DLC1: variants seen among roughly 807,000 people sequenced by gnomAD.
DLC1 encodes rho GTPase-activating protein 7.
A neutral mutation model predicts 140.3 loss-of-function variants in DLC1; 54 were observed. That is an observed-to-expected ratio of 0.38 (90% confidence interval 0.31 to 0.48). The LOEUF (loss-of-function observed/expected upper bound fraction) is 0.48. Among genes scored for constraint, DLC1 ranks in the 20% least tolerant of loss-of-function variants. The pLI, the probability that DLC1 is intolerant of heterozygous loss-of-function variation, is 0.96. For synonymous variants in DLC1, 986 were observed against 728.1 expected, an observed-to-expected ratio of 1.35 and a Z score of -5.70; for missense variants, 2,536 against 1,907.0, an observed-to-expected ratio of 1.33 and a Z score of -6.14.
At position 13,092,976 on chromosome 8, in the gene DLC1, G is replaced by C. The variant is rs1818204547; in HGVS notation, c.3527-151C>G. On this transcript the variant is annotated intron_variant, in intron 12 of 17. Coordinates refer to ENST00000276297, the MANE Select transcript of DLC1 (RefSeq NM_182643.3). ...TGCACTAGAGGTTAATACGGTAAAA[G>C]TTATGAATTGCCACCGGCGTCACTA... 4 of 880,226 alleles carry C rather than the reference G, an allele frequency of 4.5e-6. No homozygotes were observed. The South Asian group carries it at 7.2e-5, about 16-fold the overall frequency. 54.5% of individuals were successfully genotyped at this position (880,226 alleles called of 1,614,324 possible).
chr8:13,380,803 G>C (rs1836216052), intron 4 of DLC1, among the ~76,000 whole-genome samples: 1 of 152,204 alleles, frequency 6.6e-6, no homozygotes, highest in Non-Finnish European at 1.5e-5. Flanking sequence ...TGCAGAGCTT[G>C]CAAGAAGTAT....
In DLC1 at chr8:13,453,438, G is replaced by GTGTATATATATATGTA. The variant is rs1799208097; in HGVS notation, c.1023+45610_1023+45611insTACATATATATATACA. Among the ~76,000 whole-genome samples, 17 of 16,754 alleles carry GTGTATATATATATGTA rather than the reference G, an allele frequency of 1.0e-3. No individual in the cohort carries two copies. The South Asian group carries it at 0.032, about 31-fold the overall frequency. The allele number at this position is 16,754 out of a possible 152,430, so 11.0% of individuals were successfully genotyped here. On this transcript the variant is annotated intron_variant, in intron 2 of 17. Transcript: ENST00000276297. ...TATATATATATGTGTATATATATATGTATATATATACATATATATATGTAT... is the reference window on the plus strand; with the variant it reads ...TATATATATATGTGTATATATATATGTGTATATATATATGTATATATATATACATATATATATGTAT...
chr8:13,318,430 GACCAAGATCTC>G (rs942193721), intron 4 of DLC1, among the ~76,000 whole-genome samples: 2 of 152,070 alleles, frequency 1.3e-5, no homozygotes, highest in Non-Finnish European at 2.9e-5. Flanking sequence ...TCATTTAATT[GACCAAGATCTC>G]ACCATTAGTA....
chr8:13,348,350 C>A (rs1354240392), intron 4 of DLC1, among the ~76,000 whole-genome samples: 1 of 152,102 alleles, frequency 6.6e-6, no homozygotes, highest in Non-Finnish European at 1.5e-5. Flanking sequence ...TAGGCGGTGC[C>A]AGCTCATTCA....
intron 2 of DLC1, among the ~76,000 whole-genome samples, chr8:13,426,826 C>G (rs557953090): frequency 2.0e-5 from 3 of 152,098 alleles, no homozygotes; most frequent in South Asian, 2.1e-4. Context: ...ACATTTGTCT[C>G]TCATCCTAGG....
chr8:13,301,370 C>T (rs911591616), intron 5 of DLC1, among the ~76,000 whole-genome samples: 2 of 152,150 alleles, frequency 1.3e-5, no homozygotes, highest in African/African-American at 2.4e-5. Context: ...GTTAGTACCA[C>T]GAGGAAGCAT....
intron 1 of DLC1, among the ~76,000 whole-genome samples, chr8:13,565,631 G>A (rs1804401024): frequency 6.6e-6 from 1 of 152,066 alleles, no homozygotes; most frequent in Admixed American, 6.6e-5. Flanking sequence ...TTGCCAGAAT[G>A]AACATTTGGG....
intron 1 of DLC1, among the ~76,000 whole-genome samples, chr8:13,526,988 T>G (rs1802938635): frequency 1.3e-5 from 2 of 152,214 alleles, no homozygotes; most frequent in South Asian, 4.1e-4. Flanking sequence ...ATATATTTCA[T>G]TTTGGAACAT....
At chr8:13,402,569 T>C (rs1434978151) in intron 2 of DLC1, among the ~76,000 whole-genome samples, 2 of 152,234 alleles carry the variant, frequency 1.3e-5, no homozygotes, top group Non-Finnish European at 2.9e-5. Context: ...GTGACTTATG[T>C]TGCCATCCTC....
intron 5 of DLC1, among the ~76,000 whole-genome samples, chr8:13,124,051 G>C (rs1023344093): frequency 7.2e-5 from 11 of 152,118 alleles, no homozygotes; most frequent in African/African-American, 2.7e-4. Context: ...CCTACAATAA[G>C]TGATACAGTC....
In DLC1 at chr8:13,102,770, T is replaced by G. The variant is rs1194109884; in HGVS notation, c.1566+20A>C. On this transcript the variant is annotated intron_variant, in intron 8 of 17. Transcript: ENST00000276297. ...TTGCCCCTTTTCCCCCTCATTCTATTATGCAATTTGTATACTCACTCGTTT... is the reference window on the plus strand; with the variant it reads ...TTGCCCCTTTTCCCCCTCATTCTATGATGCAATTTGTATACTCACTCGTTT... 1 of 1,607,700 alleles carries G rather than the reference T, an allele frequency of 6.2e-7. No individual in the cohort carries two copies. Among genetic ancestry groups the G allele is most frequent in the Non-Finnish European group, 8.5e-7 (1 of 1,175,196 alleles).
chr8:13,177,856 ATAG>A (rs1825835975), intron 5 of DLC1, among the ~76,000 whole-genome samples: 1 of 152,208 alleles, frequency 6.6e-6, no homozygotes, highest in Non-Finnish European at 1.5e-5. Flanking sequence ...TAATAGATTA[ATAG>A]TAGTGAAATA....
chr8:13,177,617 C>T (rs1174345986), intron 5 of DLC1, among the ~76,000 whole-genome samples: 2 of 152,184 alleles, frequency 1.3e-5, no homozygotes, highest in South Asian at 2.1e-4. Context: ...ATTTGAAGGA[C>T]ATAACATACA....
At chr8:13,242,316 C>T (rs1346631075) in intron 5 of DLC1, among the ~76,000 whole-genome samples, 2 of 151,884 alleles carry the variant, frequency 1.3e-5, no homozygotes, top group Non-Finnish European at 2.9e-5. Context: ...TTCTGACACA[C>T]ATAGATTGTT....
At chr8:13,151,269 A>G (rs1416914308) in intron 5 of DLC1, among the ~76,000 whole-genome samples, 2 of 152,226 alleles carry the variant, frequency 1.3e-5, no homozygotes, top group African/African-American at 4.8e-5. Flanking sequence ...AAACACCAAC[A>G]GCGAATTTTC....
Position 13,587,102 on chromosome 8 carries a change from A to ACACACG in DLC1, c.-126+17434_-126+17435insCGTGTG, listed in dbSNP as rs760957250. Reference sequence around the variant, plus strand: ...TACACACACACACACACACACACACACACATTCATGCATGCGCCTATCCAC... The same window carrying ACACACG: ...TACACACACACACACACACACACACACACACGCACATTCATGCATGCGCCTATCCAC... On this transcript the variant is annotated intron_variant, in intron 1 of 1. Coordinates refer to the DLC1 transcript ENST00000631382. Among the ~76,000 whole-genome samples, 224 of 151,648 alleles carry ACACACG rather than the reference A, an allele frequency of 1.5e-3. 1 individual carries two copies. The highest frequency in any genetic ancestry group is 5.1e-3 in the African/African-American group (209 of 41,342).
chr8:13,455,216 T>C (rs1799328693), intron 2 of DLC1, among the ~76,000 whole-genome samples: 1 of 152,184 alleles, frequency 6.6e-6, no homozygotes, highest in Non-Finnish European at 1.5e-5. Context: ...GGGAAAAAGG[T>C]AACATCATTT....
At chr8:13,145,338 A>C (rs748722501) in intron 5 of DLC1, among the ~76,000 whole-genome samples, 18 of 152,194 alleles carry the variant, frequency 1.2e-4, no homozygotes, top group Non-Finnish European at 8.8e-5. Context: ...CAAAAGATAT[A>C]ACTGGGCATA....
chr8:13,173,060 C>T (rs567618881), intron 5 of DLC1, among the ~76,000 whole-genome samples: 1 of 152,278 alleles, frequency 6.6e-6, no homozygotes, highest in South Asian at 2.1e-4. Flanking sequence ...TTTGAAATTT[C>T]TTGAATCAGA....
Sources: allele counts gnomAD v4.1 joint callset (sites outside exome capture counted in the v4.1 genomes callset), GRCh38; gene constraint gnomAD v4.1.1; transcripts MANE v1.5; gene names NCBI Gene and HGNC (gene_info 2026-07-23, HGNC 2026-07-21).